The following AGBL4 variants were observed in gnomAD, a reference collection of about 807,000 sequenced individuals.
AGBL4 encodes the protein cytosolic carboxypeptidase 6.
In AGBL4, 58 loss-of-function variants were observed where a neutral mutation model predicts 66.4. The observed-to-expected ratio is 0.87, with a 90% CI of 0.71 to 1.09. AGBL4 has a LOEUF of 1.09. AGBL4 is among the 50% of genes least tolerant of loss of function. The probability of loss-of-function intolerance (pLI) is 0.00; values close to 1 mark genes in which losing one functional copy is unlikely to be tolerated. For synonymous variants in AGBL4, 234 were observed against 222.9 expected, an observed-to-expected ratio of 1.05 and a Z score of -0.44; for missense variants, 579 against 631.0, an observed-to-expected ratio of 0.92 and a Z score of 0.88.
At chr1:49,994,917 G>A (rs533865546) in intron 1 of AGBL4, 1 of 353,272 alleles carries the variant, frequency 2.8e-6, no homozygotes, top group South Asian at 2.2e-5. Flanking sequence ...ACCTTTCCTG[G>A]AGCTGAGACA....
chr1:49,012,753 T>C (rs558393008), intron 5 of AGBL4, among the ~76,000 whole-genome samples: 3 of 152,332 alleles, frequency 2.0e-5, no homozygotes, highest in South Asian at 4.1e-4. Context: ...AAGAGCCCCT[T>C]TGGCTGAACT....
chr1:48,985,531 C>T (rs775399606), intron 5 of AGBL4, among the ~76,000 whole-genome samples: 7 of 152,046 alleles, frequency 4.6e-5, no homozygotes, highest in Non-Finnish European at 7.4e-5. Flanking sequence ...TCATAGGGCA[C>T]TGGGTAGAGT....
At chr1:49,131,624 G>T (rs1476449894) in intron 4 of AGBL4, among the ~76,000 whole-genome samples, 1 of 152,018 alleles carries the variant, frequency 6.6e-6, no homozygotes, top group African/African-American at 2.4e-5. Context: ...ATAACAGCAT[G>T]CACAAATACC....
intron 8 of AGBL4, among the ~76,000 whole-genome samples, chr1:48,651,155 G>C (rs907968573): frequency 6.6e-6 from 1 of 152,294 alleles, no homozygotes; most frequent in Non-Finnish European, 1.5e-5. Flanking sequence ...GGTTAGAGTT[G>C]CTCTCCAAGT....
chr1:49,414,718 T>C (rs1167259), intron 3 of AGBL4, among the ~76,000 whole-genome samples: 3 of 152,134 alleles, frequency 2.0e-5, no homozygotes, highest in Admixed American at 2.0e-4. Context: ...ACACAAAGGC[T>C]AGGTTCAAAT....
intron 5 of AGBL4, among the ~76,000 whole-genome samples, chr1:48,893,832 C>T (rs1651238091): frequency 1.3e-5 from 2 of 152,144 alleles, no homozygotes; most frequent in African/African-American, 2.4e-5. Context: ...CATGCTAACA[C>T]TACGATCTCA....
chr1:49,771,426 T>C (rs1644054991), intron 2 of AGBL4, among the ~76,000 whole-genome samples: 1 of 152,094 alleles, frequency 6.6e-6, no homozygotes, highest in Non-Finnish European at 1.5e-5. Context: ...ATATTATTTA[T>C]CCTGGAGAAT....
At chr1:48,762,792 T>C (rs564124969) in intron 6 of AGBL4, among the ~76,000 whole-genome samples, 1 of 152,244 alleles carries the variant, frequency 6.6e-6, no homozygotes, top group East Asian at 1.9e-4. Context: ...ATGCTGAATC[T>C]TCTCAAATGC....
Position 49,407,346 on chromosome 1 carries a change from A to C in AGBL4, c.283-161482T>G, listed in dbSNP as rs80195143. 7.5e-3 allele frequency among the ~76,000 whole-genome samples: 1,135 copies of C among 152,278 alleles called. 12 individuals carry two copies. The highest frequency in any genetic ancestry group is 0.025 in the African/African-American group (1,056 of 41,554). ...CAGACTGCCTGTGGCTTTCATCTAC[A>C]CCACTGGCTCTTCTGGGTCTCTAGG... On this transcript the variant is annotated intron_variant, in intron 3 of 13. Transcript: ENST00000371839.
intron 6 of AGBL4, among the ~76,000 whole-genome samples, chr1:48,760,851 A>G (rs1282477862): frequency 6.6e-6 from 1 of 152,232 alleles, no homozygotes; most frequent in Non-Finnish European, 1.5e-5. Flanking sequence ...TGGGGCACAC[A>G]GCAAGAAAAT....
chr1:49,271,516 G>GCGCACA (rs754526665), intron 3 of AGBL4, among the ~76,000 whole-genome samples: 1 of 144,200 alleles, frequency 6.9e-6, no homozygotes, highest in African/African-American at 2.5e-5. Flanking sequence ...TTAAAAGATA[G>GCGCACA]CACACACACA....
chr1:49,110,648 T>C lies in AGBL4; in HGVS notation c.378-64848A>G, dbSNP rs115670896. Among the ~76,000 whole-genome samples the C allele has an allele frequency of 2.7e-4, 41 of 152,210 alleles. No individual in the cohort carries two copies. In the South Asian group the frequency reaches 5.8e-3, roughly 22 times the overall value. On this transcript the variant is annotated intron_variant, in intron 4 of 13. Transcript: ENST00000371839. ...TGCTCAAGGACTGTACTCTTAGTTA[T>C]CTCCCACTTTTTCTGAATTGTCGGT...
At chr1:48,803,290 C>A (rs1645850387) in intron 6 of AGBL4, among the ~76,000 whole-genome samples, 1 of 152,160 alleles carries the variant, frequency 6.6e-6, no homozygotes, top group Admixed American at 6.5e-5. Flanking sequence ...CAGTGCCCAG[C>A]CCAAGTCTGG....
At chr1:49,634,424 T>C (rs996994863) in intron 3 of AGBL4, among the ~76,000 whole-genome samples, 3 of 152,208 alleles carry the variant, frequency 2.0e-5, no homozygotes, top group African/African-American at 7.2e-5. Context: ...TAGTATTCCA[T>C]AGTCTATATA....
At chr1:49,074,524 C>A (rs1235955173) in intron 4 of AGBL4, among the ~76,000 whole-genome samples, 3 of 152,170 alleles carry the variant, frequency 2.0e-5, no homozygotes, top group Admixed American at 1.3e-4. Context: ...GACCATCTTG[C>A]CAGAAATCCA....
intron 2 of AGBL4, among the ~76,000 whole-genome samples, chr1:49,833,666 C>A (rs527535077): frequency 2.0e-5 from 3 of 152,268 alleles, no homozygotes; most frequent in East Asian, 1.9e-4. Context: ...TCTTTAATTT[C>A]ATTGAGCAGT....
chr1:49,111,728 T>G (rs755579943), intron 4 of AGBL4, among the ~76,000 whole-genome samples: 1 of 152,216 alleles, frequency 6.6e-6, no homozygotes, highest in Non-Finnish European at 1.5e-5. Flanking sequence ...AAAGATTAAA[T>G]TAAAATCCCA....
At chr1:49,424,129 C>T (rs964123116) in intron 3 of AGBL4, among the ~76,000 whole-genome samples, 2 of 152,100 alleles carry the variant, frequency 1.3e-5, no homozygotes, top group Non-Finnish European at 2.9e-5. Flanking sequence ...ATGCCATTTT[C>T]GAAGACACTA....
intron 5 of AGBL4, among the ~76,000 whole-genome samples, chr1:48,933,596 C>G (rs6697695): frequency 0.1 from 15,914 of 152,234 alleles, 923 homozygotes; most frequent in African/African-American, 0.12. Flanking sequence ...AGCTCTATAT[C>G]CTAATAATAG....
Sources: gnomAD v4.1 joint callset for allele counts (sites outside exome capture counted in the v4.1 genomes callset) on GRCh38, gnomAD v4.1.1 for gene constraint, MANE v1.5 for transcripts, NCBI Gene and HGNC (gene_info 2026-07-23, HGNC 2026-07-21) for gene names.